DENND1B: variants seen among roughly 807,000 people sequenced by gnomAD.
DENND1B encodes DENN domain-containing protein 1B.
In DENND1B, 59 loss-of-function variants were observed where a neutral mutation model predicts 90.1. That is an observed-to-expected ratio of 0.65 (90% confidence interval 0.53 to 0.81). DENND1B has a LOEUF of 0.81. Ranked by LOEUF, DENND1B falls within the 40% of genes least tolerant of loss-of-function variation. DENND1B has a pLI of 0.00. For missense variants in DENND1B, 862 were observed against 912.6 expected (o/e 0.94, Z 0.71); for synonymous variants, 337 against 324.6 (o/e 1.04, Z -0.41).
intron 2 of DENND1B, among the ~76,000 whole-genome samples, chr1:197,768,242 CTCCTCCTCCCTT>C (rs913115261): frequency 6.6e-6 from 1 of 151,282 alleles, no homozygotes; most frequent in African/African-American, 2.4e-5. Flanking sequence ...TCTCTTCCTC[CTCCTCCTCCCTT>C]TCCTCCTCCT....
intron 3 of DENND1B, among the ~76,000 whole-genome samples, chr1:197,698,378 A>G (rs1040853794): frequency 6.6e-6 from 1 of 152,154 alleles, no homozygotes; most frequent in African/African-American, 2.4e-5. Flanking sequence ...GAACAAAGAG[A>G]CAACATACCA....
chr1:197,552,669 T>A (rs1197227877), intron 16 of DENND1B: 1 of 1,028,734 alleles, frequency 9.7e-7, no homozygotes, highest in Non-Finnish European at 1.2e-6. Flanking sequence ...AAATTCATAC[T>A]CAGTAATAAC....
chr1:197,662,501 G>A (rs1379715479), intron 5 of DENND1B, among the ~76,000 whole-genome samples: 1 of 151,982 alleles, frequency 6.6e-6, no homozygotes, highest in Non-Finnish European at 1.5e-5. Context: ...AGTAATATAT[G>A]CTCAGGGGTC....
intron 2 of DENND1B, among the ~76,000 whole-genome samples, chr1:197,765,107 A>C (rs1655541478): frequency 1.3e-5 from 2 of 152,204 alleles, no homozygotes; most frequent in African/African-American, 4.8e-5. Context: ...AATTAGTACC[A>C]CAGTCTCCTA....
intron 3 of DENND1B, among the ~76,000 whole-genome samples, chr1:197,691,403 GA>G (rs1399387104): frequency 2.6e-5 from 4 of 151,838 alleles, no homozygotes; most frequent in African/African-American, 9.7e-5. Context: ...ATCACAGTTG[GA>G]TATCATTTCA....
At chr1:197,698,160 T>C (rs1025564746) in intron 3 of DENND1B, among the ~76,000 whole-genome samples, 3 of 152,078 alleles carry the variant, frequency 2.0e-5, no homozygotes, top group Non-Finnish European at 4.4e-5. Flanking sequence ...ATTGACCACA[T>C]AATTGGAAGT....
intron 13 of DENND1B, 30 bp from the exon 14 acceptor site, chr1:197,595,363 A>C: frequency 6.2e-7 from 1 of 1,608,044 alleles, no homozygotes; most frequent in Non-Finnish European, 8.5e-7. Flanking sequence ...AGTTAAATTA[A>C]CACCTCAGAA....
At chr1:197,546,654 G>GCTGTTTATACTT in intron 17 of DENND1B, 79 bp downstream of exon 17, 1 of 1,177,602 alleles carries the variant, frequency 8.5e-7, no homozygotes, top group Non-Finnish European at 1.2e-6. Flanking sequence ...AACAGCATAA[G>GCTGTTTATACTT]TATAAACAGC....
At chr1:197,704,650 G>A (rs950932996) in intron 3 of DENND1B, among the ~76,000 whole-genome samples, 2 of 152,156 alleles carry the variant, frequency 1.3e-5, no homozygotes, top group Non-Finnish European at 2.9e-5. Context: ...AACATACTGC[G>A]AGAAGCGTAT....
chr1:197,775,898 C>T (rs1487599026), upstream of DENND1B, among the ~76,000 whole-genome samples: 1 of 152,192 alleles, frequency 6.6e-6, no homozygotes, highest in Non-Finnish European at 1.5e-5. Flanking sequence ...GCTCTTGCGT[C>T]ACTCCAGCTG....
intron 13 of DENND1B, among the ~76,000 whole-genome samples, chr1:197,603,342 G>C (rs1676375671): frequency 6.6e-6 from 1 of 151,140 alleles, no homozygotes; most frequent in Non-Finnish European, 1.5e-5. Flanking sequence ...AGGGACCATG[G>C]TCTACTGTTT....
At chr1:197,612,468 A>T (rs972902438) in intron 11 of DENND1B, among the ~76,000 whole-genome samples, 2 of 150,590 alleles carry the variant, frequency 1.3e-5, no homozygotes, top group South Asian at 2.1e-4. Context: ...TTTGGATCAG[A>T]GGGTCAGTCT....
At chr1:197,716,743 G>C (rs766774701) in intron 2 of DENND1B, among the ~76,000 whole-genome samples, 3 of 151,688 alleles carry the variant, frequency 2.0e-5, no homozygotes, top group Admixed American at 6.6e-5. Context: ...GAAATTACAG[G>C]GTTTCAATGT....
rs192939955 is a variant in DENND1B, at chr1:197,563,476, C to A, written c.1150-10364G>T. On this transcript the variant is annotated intron_variant, in intron 15 of 22. Transcript: ENST00000620048. ...CCAGATGACAATACATCTGCTTACA[C>A]CATGTTTTACTGAACATTCTAAGCC... Among the ~76,000 whole-genome samples, 308 of 152,036 alleles carry A rather than the reference C, an allele frequency of 2.0e-3. 1 individual carries two copies. Among genetic ancestry groups the A allele is most frequent in the African/African-American group, 7.3e-3 (301 of 41,512 alleles).
At chr1:197,734,973 C>T (rs1662505078) in intron 2 of DENND1B, 1 of 985,236 alleles carries the variant, frequency 1.0e-6, no homozygotes. Context: ...ATTAAAGACT[C>T]TGGAACACAG....
chr1:197,718,301 C>T (rs759949353), intron 2 of DENND1B, among the ~76,000 whole-genome samples: 8 of 150,898 alleles, frequency 5.3e-5, no homozygotes, highest in Non-Finnish European at 1.0e-4. Flanking sequence ...CGTCAAAGGG[C>T]AATTTCGTTT....
At chr1:197,563,846 G>A (rs980307870) in intron 15 of DENND1B, among the ~76,000 whole-genome samples, 3 of 151,866 alleles carry the variant, frequency 2.0e-5, no homozygotes, top group Non-Finnish European at 4.4e-5. Flanking sequence ...GGTCAAAACA[G>A]CAACATTAAC....
At chr1:197,691,709 A>G (rs551659335) in intron 3 of DENND1B, among the ~76,000 whole-genome samples, 2 of 152,138 alleles carry the variant, frequency 1.3e-5, no homozygotes, top group East Asian at 1.9e-4. Context: ...AACATCCTAC[A>G]TGTCCATCAA....
chr1:197,775,053 G>T, intron 1 of DENND1B, 86 bp downstream of exon 1: 2 of 961,144 alleles, frequency 2.1e-6, no homozygotes, highest in Non-Finnish European at 2.7e-6. Context: ...AGCCGGTTGA[G>T]CGCGGAGGCG....
Sources: allele counts gnomAD v4.1 joint callset (sites outside exome capture counted in the v4.1 genomes callset), GRCh38; gene constraint gnomAD v4.1.1; transcripts MANE v1.5; gene names NCBI Gene and HGNC (gene_info 2026-07-23, HGNC 2026-07-21).